Variants in SPATA24 observed in about 807,000 individuals in gnomAD.
SPATA24 encodes the protein spermatogenesis-associated protein 24.
Under a neutral mutation model 28.9 loss-of-function variants are expected in SPATA24, and 21 were observed. That is an observed-to-expected ratio of 0.73 (90% CI 0.52 to 1.05). SPATA24 has a LOEUF of 1.05. Ranked by LOEUF, SPATA24 falls within the 50% of genes least tolerant of loss-of-function variation. The probability of loss-of-function intolerance (pLI) is 0.00; values close to 1 mark genes in which losing one functional copy is unlikely to be tolerated. For synonymous variants in SPATA24, 76 were observed against 89.9 expected, an observed-to-expected ratio of 0.85 and a Z score of 0.88; for missense variants, 215 against 242.9, an observed-to-expected ratio of 0.88 and a Z score of 0.76.
At position 139,397,162 on chromosome 5, in the gene SPATA24, GGGA is replaced by G; in HGVS notation, c.386-22_386-20del. The G allele has an allele frequency of 6.5e-7, 1 of 1,540,890 alleles. No individual in the cohort carries two copies. The highest frequency in any genetic ancestry group is 8.8e-7 in the Non-Finnish European group (1 of 1,137,080). ...TCAATCTCTGTGGGGGAGAGAGGCA[GGGA>G]GGAGGGGTGGTTCCCATCCCAGGGC... On this transcript the variant is annotated intron_variant, in intron 4 of 5. Coordinates refer to ENST00000450845, the MANE Select transcript of SPATA24 (RefSeq NM_194296.2).
intron 4 of SPATA24, among the ~76,000 whole-genome samples, chr5:139,399,332 A>G (rs1189821524): frequency 1.8e-4 from 28 of 151,978 alleles, no homozygotes; most frequent in Non-Finnish European, 1.5e-5. Context: ...AAAAAAAAAA[A>G]AGGTTGGACA....
At chr5:139,401,697 T>G in intron 4 of SPATA24, 58 bp downstream of exon 4, 1 of 1,507,680 alleles carries the variant, frequency 6.6e-7, no homozygotes, top group Non-Finnish European at 9.0e-7. Context: ...AGGCACTGGG[T>G]GGTTAGGAAA....
chr5:139,394,715 A>T (rs1342598367), downstream of SPATA24: 29 of 1,532,626 alleles, frequency 1.9e-5, no homozygotes, highest in Non-Finnish European at 2.4e-5. Context: ...GCGCCGGAGC[A>T]GCCGAACAGG....
chr5:139,393,296 C>G (rs1020407146), downstream of SPATA24: 34 of 1,550,364 alleles, frequency 2.2e-5, no homozygotes, highest in Non-Finnish European at 2.8e-5. Context: ...TCCAGGGTGC[C>G]CACAGGGTGG....
At chr5:139,394,581 C>T, downstream of SPATA24, 3 of 1,528,022 alleles carry the variant, frequency 2.0e-6, no homozygotes, top group Non-Finnish European at 2.6e-6. Flanking sequence ...GGTAGGTGGC[C>T]CAGCGGGAGC....
chr5:139,401,857 CAGGCT>C, intron 3 of SPATA24, 32 bp from the exon 4 acceptor site: 1 of 1,547,052 alleles, frequency 6.5e-7, no homozygotes. Flanking sequence ...GGAGGGTGGG[CAGGCT>C]AGCAAGCAGA....
chr5:139,403,584 G>A (rs542135071), intron 1 of SPATA24, among the ~76,000 whole-genome samples: 202 of 152,346 alleles, frequency 1.3e-3, no homozygotes, highest in African/African-American at 4.7e-3. Context: ...TGACTCTCGG[G>A]AATGGTGTCC....
downstream of SPATA24, chr5:139,396,524 G>A (rs1758709696): frequency 7.9e-7 from 1 of 1,262,166 alleles, no homozygotes; most frequent in African/African-American, 1.5e-5. Context: ...GTCAAGTTGG[G>A]AAGTTAAATT....
chr5:139,395,537 T>G, downstream of SPATA24: 1 of 161,566 alleles, frequency 6.2e-6, no homozygotes, highest in Non-Finnish European at 1.3e-5. Flanking sequence ...CAATTTCATC[T>G]TCCCCTCAGC....
chr5:139,394,281 GCTCGGGGCCGGGGC>G, downstream of SPATA24: 1 of 1,536,936 alleles, frequency 6.5e-7, no homozygotes, highest in South Asian at 1.2e-5. Context: ...AGGTGGCGCT[GCTCGGGGCCGGGGC>G]CTCGGGGCTC....
downstream of SPATA24, chr5:139,393,351 C>T (rs1265393076): frequency 9.0e-6 from 14 of 1,551,302 alleles, no homozygotes; most frequent in Non-Finnish European, 9.6e-6. Flanking sequence ...ACTGCTGACT[C>T]CCTCCAAAGG....
downstream of SPATA24, chr5:139,392,983 G>C (rs559526824): frequency 1.3e-6 from 2 of 1,504,012 alleles, no homozygotes; most frequent in Non-Finnish European, 1.8e-6. The surrounding 1 kb of genome is among the most constrained non-coding windows in gnomAD (Gnocchi z 5.8). Flanking sequence ...GTCGAAGGAC[G>C]GTTCAGGAGG....
At chr5:139,403,913 C>T (rs1338637455) in intron 1 of SPATA24, 31 bp downstream of exon 1, 2 of 1,533,636 alleles carry the variant, frequency 1.3e-6, no homozygotes, top group Non-Finnish European at 1.8e-6. Context: ...CATCCGGCCC[C>T]GCCTCTCCCC....
Position 139,404,066 on chromosome 5 carries a change from G to C in SPATA24, c.-6C>G, listed in dbSNP as rs761353211. 5.1e-5 allele frequency: 79 copies of C among 1,549,754 alleles called. No individual in the cohort carries two copies. In the African/African-American group the frequency reaches 1.1e-3, roughly 21 times the overall value. On this transcript the variant is annotated 5_prime_UTR_variant, in exon 1 of 6. Transcript: ENST00000450845. ...CACCCGAGGGGCGTCGCCATCTTCC[G>C]CCCCCGCCAGCTAGTTGGAAATGGC...
chr5:139,397,253 T>C, intron 4 of SPATA24, 110 bp from the exon 5 acceptor site: 1 of 753,854 alleles, frequency 1.3e-6, no homozygotes, highest in Non-Finnish European at 2.2e-6. Flanking sequence ...CACCCAAGAG[T>C]TCTCCATGAA....
At chr5:139,400,271 A>C (rs1240479948) in intron 4 of SPATA24, among the ~76,000 whole-genome samples, 1 of 151,606 alleles carries the variant, frequency 6.6e-6, no homozygotes, top group Non-Finnish European at 1.5e-5. Flanking sequence ...GCAGTGAACA[A>C]AGCAGATGTT....
chr5:139,392,872 C>G (rs1429850035), downstream of SPATA24: 1 of 1,544,842 alleles, frequency 6.5e-7, no homozygotes, highest in Non-Finnish European at 8.7e-7. This position sits in a 1 kb window ranked among gnomAD's most constrained non-coding sequence, Gnocchi z 5.8. Context: ...GGCCAGGGCC[C>G]CAGGCAGGCG....
chr5:139,400,527 C>T (rs1417519798), intron 4 of SPATA24, among the ~76,000 whole-genome samples: 2 of 152,058 alleles, frequency 1.3e-5, no homozygotes, highest in African/African-American at 4.8e-5. Flanking sequence ...AGGCTGGTCT[C>T]GAACTCCTGA....
chr5:139,395,378 G>A (rs1758683429), downstream of SPATA24: 1 of 345,068 alleles, frequency 2.9e-6, no homozygotes, highest in African/African-American at 2.1e-5. Context: ...CAAAGCCTTG[G>A]AGCCAGGAGT....
Sources: gnomAD v4.1 joint callset for allele counts (sites outside exome capture counted in the v4.1 genomes callset) on GRCh38, gnomAD v4.1.1 for gene constraint, Gnocchi (gnomAD v3.1) non-coding constraint, MANE v1.5 for transcripts, NCBI Gene and HGNC (gene_info 2026-07-23, HGNC 2026-07-21) for gene names.